TOX2: variants seen among roughly 807,000 people sequenced by gnomAD.
TOX2 encodes the protein granulosa cell HMG box 1.
A neutral mutation model predicts 47.4 loss-of-function variants in TOX2; 15 were observed. That is an observed-to-expected ratio of 0.32 (90% CI 0.21 to 0.49). The LOEUF is 0.49. TOX2 is among the 20% of genes least tolerant of loss of function. TOX2 has a pLI of 0.99. For synonymous variants in TOX2, 290 were observed against 296.6 expected (o/e 0.98, Z 0.23); for missense variants, 622 against 673.1 (o/e 0.92, Z 0.84).
intron 3 of TOX2, among the ~76,000 whole-genome samples, chr20:44,018,249 T>C (rs1229942623): frequency 1.3e-5 from 2 of 152,182 alleles, no homozygotes; most frequent in African/African-American, 4.8e-5. Flanking sequence ...TGCCCTCTGG[T>C]ACCCACCCTT....
At chr20:44,002,806 C>G (rs2070607773) in intron 2 of TOX2, among the ~76,000 whole-genome samples, 1 of 152,120 alleles carries the variant, frequency 6.6e-6, no homozygotes, top group Admixed American at 6.6e-5. Flanking sequence ...TTTAAACAAC[C>G]AGCTCTTGCA....
At chr20:44,057,926 C>A (rs1445179875) in intron 5 of TOX2, among the ~76,000 whole-genome samples, 1 of 152,220 alleles carries the variant, frequency 6.6e-6, no homozygotes, top group Non-Finnish European at 1.5e-5. Flanking sequence ...CATCATCCAG[C>A]AGACTAGCTC....
chr20:44,008,521 C>G (rs2145608339), intron 3 of TOX2, among the ~76,000 whole-genome samples: 1 of 151,668 alleles, frequency 6.6e-6, no homozygotes, highest in African/African-American at 2.4e-5. Flanking sequence ...GATGGTGCCA[C>G]TGCACTCCAG....
intron 3 of TOX2, among the ~76,000 whole-genome samples, chr20:44,027,970 G>A (rs1356369766): frequency 6.6e-6 from 1 of 152,184 alleles, no homozygotes; most frequent in Non-Finnish European, 1.5e-5. Flanking sequence ...TGCCTGACAG[G>A]TGCCAGACCT....
At chr20:43,952,958 G>A (rs547221826) in intron 1 of TOX2, among the ~76,000 whole-genome samples, 1 of 152,252 alleles carries the variant, frequency 6.6e-6, no homozygotes, top group African/African-American at 2.4e-5. Flanking sequence ...GGTTGTCTGG[G>A]TGGGCCCTAT....
intron 1 of TOX2, among the ~76,000 whole-genome samples, chr20:43,944,324 G>A (rs866899060): frequency 1.3e-5 from 2 of 152,196 alleles, no homozygotes; most frequent in African/African-American, 4.8e-5. Flanking sequence ...AGAAACGATT[G>A]GCTGCAGGAG....
chr20:44,005,937 G>A (rs1257664128), intron 2 of TOX2, among the ~76,000 whole-genome samples: 2 of 151,794 alleles, frequency 1.3e-5, no homozygotes, highest in Non-Finnish European at 2.9e-5. Context: ...GTTTGGCGAG[G>A]TGGGAAAAAA....
chr20:44,001,688 GCACCTGCTCTGTGCCA>G (rs2070585691), intron 2 of TOX2, among the ~76,000 whole-genome samples: 4 of 15,804 alleles, frequency 2.5e-4, no homozygotes, highest in African/African-American at 1.7e-3. Context: ...CTCTGTGCCA[GCACCTGCTCTGTGCCA>G]GCACCTATTT....
At chr20:44,030,351 T>G (rs2071130670) in intron 3 of TOX2, among the ~76,000 whole-genome samples, 1 of 152,206 alleles carries the variant, frequency 6.6e-6, no homozygotes, top group African/African-American at 2.4e-5. Flanking sequence ...AGCTGGAAGT[T>G]GCCACCTACT....
chr20:43,994,819 T>C (rs1001011464), intron 2 of TOX2, among the ~76,000 whole-genome samples: 2 of 152,168 alleles, frequency 1.3e-5, no homozygotes, highest in Non-Finnish European at 1.5e-5. Flanking sequence ...TCCTGTCTAA[T>C]GTGACTGCCT....
At chr20:44,057,868 G>T (rs1020749480) in intron 5 of TOX2, among the ~76,000 whole-genome samples, 15 of 150,494 alleles carry the variant, frequency 1.0e-4, no homozygotes, top group Non-Finnish European at 2.1e-4. Flanking sequence ...CTGGGAGTTG[G>T]ATGGCTGTCA....
chr20:43,953,568 G>A (rs1396879123), intron 1 of TOX2, among the ~76,000 whole-genome samples: 1 of 152,216 alleles, frequency 6.6e-6, no homozygotes, highest in Non-Finnish European at 1.5e-5. Context: ...TAGGAATGCA[G>A]GGCAGGCTGG....
At chr20:44,055,632 T>G (rs2103699) in intron 5 of TOX2, among the ~76,000 whole-genome samples, 1 of 152,010 alleles carries the variant, frequency 6.6e-6, no homozygotes, top group African/African-American at 2.4e-5. Flanking sequence ...GAGTTTTATG[T>G]AGAGGAGAGA....
rs1487297703 is a variant in TOX2 at position 44,065,876 on chromosome 20, G to T, written c.1125G>T (p.Arg375=). ...GGGCCTCCCCTGCCAGCCTCGCCCG[G>T]ACGCTGGGCTCCAAGTCTCTGCTGC... ...RSGASPASLA[R]TLGSKSLLPG... Residue 375 remains arginine, a synonymous_variant, in exon 7 of 9, where the codon CGG becomes CGT. Transcript: ENST00000341197. The T allele has an allele frequency of 1.9e-6, 3 of 1,613,008 alleles. No individual in the cohort carries two copies. In the Admixed American group the frequency reaches 5.0e-5, roughly 27 times the overall value.
chr20:43,927,796 T>A (rs550861695), intron 1 of TOX2, among the ~76,000 whole-genome samples: 4 of 124,212 alleles, frequency 3.2e-5, no homozygotes, highest in African/African-American at 1.2e-4. Flanking sequence ...TCCCTCCCTC[T>A]ATCCCTCCTT....
Position 43,964,536 on chromosome 20 carries a change from C to T in TOX2, c.100-8831C>T, listed in dbSNP as rs745997879. Among the ~76,000 whole-genome samples the T allele has an allele frequency of 8.6e-4, 131 of 152,326 alleles. 1 individual carries two copies. The Middle Eastern group carries it at 0.01, about 12-fold the overall frequency. ...CTTTAGATCTTGGTGAGGCTCAGCT[C>T]TCAGTGCCTGTGACTGGCTAGGCTG... On this transcript the variant is annotated intron_variant, in intron 1 of 8. Coordinates refer to ENST00000341197, the MANE Select transcript of TOX2 (RefSeq NM_001098797.2).
At chr20:44,020,090 G>C (rs2070952279) in intron 3 of TOX2, among the ~76,000 whole-genome samples, 1 of 152,224 alleles carries the variant, frequency 6.6e-6, no homozygotes, top group Non-Finnish European at 1.5e-5. Flanking sequence ...CTGTGCCACA[G>C]TTTCCTCCCA....
chr20:44,047,269 T>C (rs2071425098), intron 3 of TOX2, among the ~76,000 whole-genome samples: 1 of 152,160 alleles, frequency 6.6e-6, no homozygotes, highest in Non-Finnish European at 1.5e-5. Context: ...CACCCTCCAG[T>C]TGTCAGAACC....
chr20:44,004,898 C>T (rs1174748381), intron 2 of TOX2, among the ~76,000 whole-genome samples: 1 of 152,194 alleles, frequency 6.6e-6, no homozygotes, highest in Non-Finnish European at 1.5e-5. Flanking sequence ...AGATTTAGCA[C>T]TGTAGGTAAC....
Sources: allele counts gnomAD v4.1 joint callset (sites outside exome capture counted in the v4.1 genomes callset), GRCh38; gene constraint gnomAD v4.1.1; transcripts MANE v1.5; gene names NCBI Gene and HGNC (gene_info 2026-07-23, HGNC 2026-07-21).